EYA3: variants seen among roughly 807,000 people sequenced by gnomAD.
The protein encoded by EYA3 is protein phosphatase EYA3.
EYA3 carries 39 observed loss-of-function variants against 80.0 expected under a neutral mutation model. That is an observed-to-expected ratio of 0.49 (90% CI 0.38 to 0.64). The LOEUF (loss-of-function observed/expected upper bound fraction) is 0.64. Among genes scored for constraint, EYA3 ranks in the 30% least tolerant of loss-of-function variants. The probability of loss-of-function intolerance (pLI) is 0.00; values close to 1 mark genes in which losing one functional copy is unlikely to be tolerated. For synonymous variants in EYA3, 206 were observed against 232.8 expected (o/e 0.88, Z 1.05); for missense variants, 523 against 676.1 (o/e 0.77, Z 2.51).
intron 6 of EYA3, among the ~76,000 whole-genome samples, chr1:28,033,877 C>G (rs1206441556): frequency 4.6e-5 from 7 of 151,164 alleles, no homozygotes; most frequent in Non-Finnish European, 1.0e-4. Context: ...CTAGGCTGGT[C>G]TCGAACTCCC....
At chr1:28,064,373 T>TA in intron 1 of EYA3, among the ~76,000 whole-genome samples, 1 of 114,492 alleles carries the variant, frequency 8.7e-6, no homozygotes, top group African/African-American at 3.3e-5. Context: ...TCTCTCTCTC[T>TA]CTCTCTATAT....
At chr1:28,011,617 C>T (rs1470810838) in intron 9 of EYA3, among the ~76,000 whole-genome samples, 1 of 152,124 alleles carries the variant, frequency 6.6e-6, no homozygotes, top group Non-Finnish European at 1.5e-5. Flanking sequence ...CAGAAGGCAG[C>T]AGGACATGTT....
chr1:28,087,239 T>G (rs994323489), intron 1 of EYA3, among the ~76,000 whole-genome samples: 2 of 152,134 alleles, frequency 1.3e-5, no homozygotes, highest in Non-Finnish European at 2.9e-5. Flanking sequence ...TAAATGCAAT[T>G]CCTTCATGTT....
At chr1:28,061,791 C>T (rs1644638262) in intron 1 of EYA3, among the ~76,000 whole-genome samples, 2 of 151,846 alleles carry the variant, frequency 1.3e-5, no homozygotes, top group African/African-American at 2.4e-5. Context: ...AGTAGAGACG[C>T]GGTTTCACCG....
chr1:28,032,221 A>G (rs927070674), intron 6 of EYA3: 1 of 152,162 alleles, frequency 6.6e-6, no homozygotes, highest in Admixed American at 6.5e-5. Flanking sequence ...GTATTACAAC[A>G]TTGTGTTTTT....
In EYA3 at chr1:28,009,990, G is replaced by A. The variant is rs1275919047; in HGVS notation, c.909+957C>T. ...TAGACAATTAAAAAATGAGTTATCAGTTTTTCCTAAGAAATATATCAGAAA... is the reference window on the plus strand; with the variant it reads ...TAGACAATTAAAAAATGAGTTATCAATTTTTCCTAAGAAATATATCAGAAA... On this transcript the variant is annotated intron_variant, in intron 10 of 17. Transcript: ENST00000373871. This position sits in a 1 kb window ranked among gnomAD's most constrained non-coding sequence, Gnocchi z 4.8. Among the ~76,000 whole-genome samples, 13 of 152,100 alleles carry A rather than the reference G, an allele frequency of 8.5e-5. No homozygotes were observed. Among genetic ancestry groups the A allele is most frequent in the Non-Finnish European group, 1.9e-4 (13 of 68,002 alleles).
chr1:28,042,663 A>G lies in EYA3; in HGVS notation c.78-13T>C, dbSNP rs1372906467. The G allele has an allele frequency of 1.9e-6, 3 of 1,607,940 alleles. No individual in the cohort carries two copies. The highest frequency in any genetic ancestry group is 2.7e-5 in the African/African-American group (2 of 74,820). ...ATTGCTTACTTGACTGGGAGAACCA[A>G]AATGAATACATTAGCCCCTGATTGA... is the stretch of plus-strand genomic sequence containing the variant. On this transcript the variant is annotated splice_polypyrimidine_tract_variant and intron_variant, in intron 3 of 17. Coordinates refer to ENST00000373871, the MANE Select transcript of EYA3 (RefSeq NM_001990.4).
chr1:28,067,630 G>GT (rs1328836256), intron 1 of EYA3, among the ~76,000 whole-genome samples: 1 of 151,832 alleles, frequency 6.6e-6, no homozygotes, highest in East Asian at 1.9e-4. Context: ...TGTGACAACA[G>GT]TATAGGCAGA....
intron 1 of EYA3, among the ~76,000 whole-genome samples, chr1:28,067,769 T>C (rs183719814): frequency 5.2e-4 from 79 of 152,302 alleles, no homozygotes; most frequent in Non-Finnish European, 9.0e-4. Flanking sequence ...AGTTAAAGAA[T>C]TTGCTATTGG....
intron 2 of EYA3, 26 bp downstream of exon 2, chr1:28,057,968 T>G: frequency 6.7e-7 from 1 of 1,485,358 alleles, no homozygotes; most frequent in Non-Finnish European, 9.2e-7. Flanking sequence ...TACAATCAAC[T>G]TTAAACTGTT....
In EYA3 at chr1:28,056,415, G is replaced by C. The variant is rs540166760; in HGVS notation, c.33+1579C>G. Among the ~76,000 whole-genome samples the C allele has an allele frequency of 3.6e-3, 541 of 152,326 alleles. 2 individuals carry two copies. Among genetic ancestry groups the C allele is most frequent in the Non-Finnish European group, 6.0e-3 (411 of 68,042 alleles). On this transcript the variant is annotated intron_variant, in intron 2 of 17. Coordinates refer to ENST00000373871, the MANE Select transcript of EYA3 (RefSeq NM_001990.4). ...ACTCTTTTTTGCCTCCTGACCAACA[G>C]TGGTACTTCCCCCGTGTGGCATGCT...
intron 7 of EYA3, among the ~76,000 whole-genome samples, chr1:28,020,929 T>C (rs1421842617): frequency 1.3e-5 from 2 of 152,118 alleles, no homozygotes; most frequent in Non-Finnish European, 2.9e-5. Flanking sequence ...CTGCAAAAAC[T>C]TGAAAGACAC....
At chr1:27,999,895 A>G in intron 12 of EYA3, 65 bp downstream of exon 12, 1 of 1,235,196 alleles carries the variant, frequency 8.1e-7, no homozygotes, top group Non-Finnish European at 1.2e-6. Flanking sequence ...ATAATAAGCA[A>G]AAGCTCTAAA....
chr1:28,067,489 T>C (rs1644874947), intron 1 of EYA3, among the ~76,000 whole-genome samples: 1 of 152,200 alleles, frequency 6.6e-6, no homozygotes. Context: ...TTCAAGACAT[T>C]AAGCTAAAAT....
At chr1:28,039,750 G>C (rs1278076787) in intron 4 of EYA3, among the ~76,000 whole-genome samples, 1 of 152,116 alleles carries the variant, frequency 6.6e-6, no homozygotes, top group Non-Finnish European at 1.5e-5. Flanking sequence ...TCAAGAGTAA[G>C]ACAAATCAAC....
At chr1:28,036,316 T>A (rs1484139289) in intron 5 of EYA3, among the ~76,000 whole-genome samples, 1 of 152,196 alleles carries the variant, frequency 6.6e-6, no homozygotes, top group African/African-American at 2.4e-5. Flanking sequence ...TTCATGCTCT[T>A]ATGCCTACAT....
intron 7 of EYA3, among the ~76,000 whole-genome samples, chr1:28,025,657 C>G (rs183649733): frequency 6.6e-6 from 1 of 152,092 alleles, no homozygotes; most frequent in Non-Finnish European, 1.5e-5. Context: ...TGAAGGAAAC[C>G]GGGTTAGCCA....
chr1:28,017,007 G>T (rs17162928), intron 8 of EYA3, 147 bp downstream of exon 8: 31,409 of 596,050 alleles, frequency 0.053, 2,017 homozygotes, highest in East Asian at 0.24. Flanking sequence ...GCCATCCAGG[G>T]TCCGAGTTCT....
chr1:27,991,234 C>T (rs1640040900), intron 14 of EYA3, among the ~76,000 whole-genome samples: 1 of 152,132 alleles, frequency 6.6e-6, no homozygotes, highest in Admixed American at 6.6e-5. Context: ...CCTAAGATTA[C>T]ACAGTAAGTT....
Sources: gnomAD v4.1 joint callset for allele counts (sites outside exome capture counted in the v4.1 genomes callset) on GRCh38, gnomAD v4.1.1 for gene constraint, Gnocchi (gnomAD v3.1) non-coding constraint, MANE v1.5 for transcripts, NCBI Gene and HGNC (gene_info 2026-07-23, HGNC 2026-07-21) for gene names.